ARHGAP32: variants seen among roughly 807,000 people sequenced by gnomAD.
ARHGAP32 encodes the protein Rho GTPase activating protein 32.
Under a neutral mutation model 186.5 loss-of-function variants are expected in ARHGAP32, and 51 were observed. The observed-to-expected ratio is 0.27, with a 90% CI of 0.22 to 0.35. ARHGAP32 has a LOEUF of 0.35. Among genes scored for constraint, ARHGAP32 ranks in the 10% least tolerant of loss-of-function variants. ARHGAP32 has a pLI of 1.00. For synonymous variants in ARHGAP32, 950 were observed against 964.3 expected (o/e 0.99, Z 0.27); for missense variants, 2,186 against 2,623.5 (o/e 0.83, Z 3.64).
At chr11:129,029,496 T>G (rs1770380852) in intron 11 of ARHGAP32, among the ~76,000 whole-genome samples, 2 of 152,048 alleles carry the variant, frequency 1.3e-5, no homozygotes, top group African/African-American at 4.8e-5. Flanking sequence ...AGCTTCCAGT[T>G]GCTCCATTTG....
chr11:129,147,632 C>G (rs1943194129), intron 2 of ARHGAP32, among the ~76,000 whole-genome samples: 1 of 152,148 alleles, frequency 6.6e-6, no homozygotes, highest in African/African-American at 2.4e-5. Context: ...CACAGAAATG[C>G]AAACTGTACC....
intron 2 of ARHGAP32, among the ~76,000 whole-genome samples, chr11:129,127,503 C>T (rs1942690378): frequency 6.6e-6 from 1 of 151,560 alleles, no homozygotes; most frequent in Admixed American, 6.6e-5. Context: ...TGTGAATGAA[C>T]AAATACAATA....
chr11:129,107,258 C>G (rs568176411), intron 5 of ARHGAP32, among the ~76,000 whole-genome samples: 1 of 152,010 alleles, frequency 6.6e-6, no homozygotes, highest in Non-Finnish European at 1.5e-5. Flanking sequence ...ACAGATTTCC[C>G]CCAAAAAATA....
intron 5 of ARHGAP32, among the ~76,000 whole-genome samples, chr11:129,101,900 A>G (rs1941910551): frequency 6.6e-6 from 1 of 152,228 alleles, no homozygotes; most frequent in Non-Finnish European, 1.5e-5. Flanking sequence ...AAGACACATA[A>G]TTGTCAGATT....
At chr11:129,148,451 T>G (rs1026851790) in intron 2 of ARHGAP32, among the ~76,000 whole-genome samples, 1 of 152,162 alleles carries the variant, frequency 6.6e-6, no homozygotes, top group African/African-American at 2.4e-5. Context: ...AGGAAGTGAC[T>G]TGCATGTACT....
chr11:129,249,009 A>C (rs558531268), intron 1 of ARHGAP32, among the ~76,000 whole-genome samples: 3 of 152,372 alleles, frequency 2.0e-5, no homozygotes, highest in East Asian at 1.9e-4. Flanking sequence ...ACACAATGCC[A>C]CACGAATTAG....
intron 10 of ARHGAP32, among the ~76,000 whole-genome samples, chr11:129,059,496 A>AT (rs10677456): frequency 0.51 from 59,507 of 115,634 alleles, 16,243 homozygotes; most frequent in Middle Eastern, 0.57. Flanking sequence ...CTGATTTGCA[A>AT]TTTTTTTTTT....
chr11:129,110,854 T>C (rs865904346), intron 5 of ARHGAP32, among the ~76,000 whole-genome samples: 2 of 152,316 alleles, frequency 1.3e-5, no homozygotes, highest in South Asian at 2.1e-4. Context: ...TTTTCCTTAA[T>C]GTAAGATCAT....
intron 5 of ARHGAP32, among the ~76,000 whole-genome samples, chr11:129,097,170 A>T (rs921752381): frequency 6.6e-6 from 1 of 152,180 alleles, no homozygotes; most frequent in East Asian, 1.9e-4. Context: ...TTTCAAAGGA[A>T]AAAATGAATC....
intron 6 of ARHGAP32, among the ~76,000 whole-genome samples, chr11:129,075,498 T>A (rs1941008477): frequency 6.6e-6 from 1 of 152,122 alleles, no homozygotes. Flanking sequence ...GTGAGGCAAA[T>A]ACTGATTAAA....
At chr11:128,998,614 G>A (rs922303378) in intron 11 of ARHGAP32, 146 bp from the exon 12 acceptor site, 1 of 539,120 alleles carries the variant, frequency 1.9e-6, no homozygotes, top group African/African-American at 1.9e-5. Flanking sequence ...GTCAGTACAA[G>A]TTTAAGCTAA....
intron 5 of ARHGAP32, among the ~76,000 whole-genome samples, chr11:129,115,041 T>C (rs1369179916): frequency 6.6e-6 from 1 of 152,148 alleles, no homozygotes; most frequent in African/African-American, 2.4e-5. Flanking sequence ...TTTTCTTTTA[T>C]TCATCTTTTG....
At chr11:129,276,215 A>G (rs899113378) in intron 1 of ARHGAP32, among the ~76,000 whole-genome samples, 1 of 152,262 alleles carries the variant, frequency 6.6e-6, no homozygotes, top group Non-Finnish European at 1.5e-5. Flanking sequence ...TGCAAGTACT[A>G]CCGGTGGATT....
chr11:128,976,481 A>C, intron 20 of ARHGAP32, 82 bp downstream of exon 20: 1 of 1,136,576 alleles, frequency 8.8e-7, no homozygotes. Context: ...TATTAAGCAC[A>C]GATATATAAA....
chr11:129,255,756 A>T (rs575631468), intron 1 of ARHGAP32, among the ~76,000 whole-genome samples: 1 of 152,264 alleles, frequency 6.6e-6, no homozygotes, highest in East Asian at 1.9e-4. Context: ...GGACTACGTT[A>T]AAAACAATGA....
intron 1 of ARHGAP32, among the ~76,000 whole-genome samples, chr11:129,176,269 G>A (rs1943912711): frequency 3.4e-5 from 2 of 58,006 alleles, no homozygotes; most frequent in Admixed American, 1.6e-4. Flanking sequence ...CAATACAGGA[G>A]CACCCAGATT....
At chr11:129,074,858 C>T (rs1658357037) in intron 6 of ARHGAP32, among the ~76,000 whole-genome samples, 1 of 151,860 alleles carries the variant, frequency 6.6e-6, no homozygotes, top group Non-Finnish European at 1.5e-5. Flanking sequence ...ATATAAAATG[C>T]TCAATTAAAA....
intron 10 of ARHGAP32, 134 bp from the exon 11 acceptor site, chr11:129,041,143 A>G: frequency 1.9e-6 from 1 of 519,398 alleles, no homozygotes; most frequent in Non-Finnish European, 3.4e-6. Context: ...TCTAAATAAC[A>G]GATGATGCCA....
At chr11:129,057,057 G>A (rs976942729) in intron 10 of ARHGAP32, among the ~76,000 whole-genome samples, 1 of 152,188 alleles carries the variant, frequency 6.6e-6, no homozygotes, top group Non-Finnish European at 1.5e-5. Context: ...GAGCCCAGTT[G>A]ACAGGGTTCA....
Sources: allele counts gnomAD v4.1 joint callset (sites outside exome capture counted in the v4.1 genomes callset), GRCh38; gene constraint gnomAD v4.1.1; transcripts MANE v1.5; gene names NCBI Gene and HGNC (gene_info 2026-07-23, HGNC 2026-07-21).